CORO2B: variants seen among roughly 807,000 people sequenced by gnomAD.
CORO2B encodes coronin-2B.
Under a neutral mutation model 58.8 loss-of-function variants are expected in CORO2B, and 26 were observed. The observed-to-expected ratio is 0.44, with a 90% confidence interval of 0.32 to 0.61. CORO2B has a LOEUF of 0.61. Among genes scored for constraint, CORO2B ranks in the 20% least tolerant of loss-of-function variants. The pLI is 0.04. For missense variants in CORO2B, 460 were observed against 645.1 expected, an observed-to-expected ratio of 0.71 and a Z score of 3.11; for synonymous variants, 242 against 253.8, an observed-to-expected ratio of 0.95 and a Z score of 0.44.
At chr15:68,708,029 G>A (rs908342303) in intron 3 of CORO2B, among the ~76,000 whole-genome samples, 2 of 152,170 alleles carry the variant, frequency 1.3e-5, no homozygotes, top group African/African-American at 4.8e-5. Flanking sequence ...TGACAATGGG[G>A]ATGGGAAAAT....
intron 11 of CORO2B, among the ~76,000 whole-genome samples, chr15:68,724,739 A>G (rs756684019): frequency 1.3e-5 from 2 of 152,220 alleles, no homozygotes; most frequent in Non-Finnish European, 2.9e-5. Flanking sequence ...TACAATAACA[A>G]ATGTAATTCA....
intron 11 of CORO2B, among the ~76,000 whole-genome samples, chr15:68,722,158 T>G (rs933777479): frequency 1.3e-5 from 2 of 152,324 alleles, no homozygotes; most frequent in African/African-American, 4.8e-5. Context: ...GTTCTGGCAC[T>G]GGGTCTGGAG....
upstream of CORO2B, among the ~76,000 whole-genome samples, chr15:68,577,026 T>G (rs1320727998): frequency 6.6e-6 from 1 of 152,068 alleles, no homozygotes. Context: ...TTTGAGTTAG[T>G]GCAGAAGAAT....
chr15:68,664,632 G>A (rs1009306090), intron 2 of CORO2B, among the ~76,000 whole-genome samples: 5 of 152,044 alleles, frequency 3.3e-5, no homozygotes, highest in Non-Finnish European at 7.4e-5. Context: ...GAGGGACAGA[G>A]CGAGACTCTG....
intron 2 of CORO2B, among the ~76,000 whole-genome samples, chr15:68,681,289 C>T (rs1010418086): frequency 6.6e-6 from 1 of 151,936 alleles, no homozygotes; most frequent in Non-Finnish European, 1.5e-5. Flanking sequence ...TGCACTAAAT[C>T]GTCTCAGTGG....
intron 2 of CORO2B, among the ~76,000 whole-genome samples, chr15:68,659,621 T>C (rs1018833787): frequency 2.0e-5 from 3 of 151,990 alleles, no homozygotes; most frequent in Non-Finnish European, 4.4e-5. Context: ...ATTCATTAAG[T>C]GGAAGTGAAT....
At chr15:68,632,119 T>A (rs745600529) in intron 1 of CORO2B, 2 of 985,524 alleles carry the variant, frequency 2.0e-6, no homozygotes, top group Non-Finnish European at 2.4e-6. Flanking sequence ...TCCCGTTATC[T>A]TGACTGCTGC....
intron 2 of CORO2B, 101 bp from the exon 3 acceptor site, chr15:68,695,039 C>G (rs1328747306): frequency 3.5e-6 from 3 of 859,136 alleles, no homozygotes; most frequent in African/African-American, 3.3e-5. Context: ...CAAGGACCTT[C>G]CAGTCCAGTT....
At chr15:68,711,420 C>A in intron 4 of CORO2B, 122 bp from the exon 5 acceptor site, 1 of 762,632 alleles carries the variant, frequency 1.3e-6, no homozygotes, top group Non-Finnish European at 2.1e-6. Flanking sequence ...CCTCCTGCAC[C>A]CCAGCACACC....
At chr15:68,568,163 G>C in the CORO2B span, among the ~76,000 whole-genome samples, 2 of 152,320 alleles carry the variant, frequency 1.3e-5, no homozygotes, top group South Asian at 4.1e-4. Flanking sequence ...GTTGGAGGTT[G>C]AGTACAGGCC....
chr15:68,530,350 A>G, the CORO2B span, among the ~76,000 whole-genome samples: 2 of 152,046 alleles, frequency 1.3e-5, no homozygotes, highest in Non-Finnish European at 2.9e-5. Context: ...AATAATATGT[A>G]TATATATGTA....
Position 68,714,045 on chromosome 15 carries a change from A to G in CORO2B, c.765+4A>G. 2 of 1,594,026 alleles carry G rather than the reference A, an allele frequency of 1.3e-6. No homozygotes were observed. The highest frequency in any genetic ancestry group is 1.7e-6 in the Non-Finnish European group (2 of 1,162,024). On this transcript the variant is annotated splice_donor_region_variant and intron_variant, in intron 6 of 11. Transcript: ENST00000261861. ...ACAGATTGCCCTCTGGGACCAGGTC[A>G]GCCACGGGGAGGCCTGCTGGGTTTG... is the stretch of plus-strand genomic sequence containing the variant.
rs1244884297 is a variant in CORO2B at position 68,727,294 on chromosome 15, C to T, written c.*1320C>T. On this transcript the variant is annotated 3_prime_UTR_variant, in exon 12 of 12. Transcript: ENST00000261861. ...AGATGAGGAAACCGAGAGAAGTGGC[C>T]CAAGGTCACGCAACTCTGAGATGCC... 1 of 152,580 alleles carries T rather than the reference C, an allele frequency of 6.6e-6. No individual in the cohort carries two copies. The highest frequency in any genetic ancestry group is 1.5e-5 in the Non-Finnish European group (1 of 68,038). 9.5% of individuals were successfully genotyped at this position (152,580 alleles called of 1,614,324 possible).
Position 68,710,978 on chromosome 15 carries a change from A to C in CORO2B, c.483+97A>C. The C allele has an allele frequency of 1.5e-6, 2 of 1,311,696 alleles. No individual in the cohort carries two copies. Among genetic ancestry groups the C allele is most frequent in the Non-Finnish European group, 2.1e-6 (2 of 974,350 alleles). 81.3% of individuals were successfully genotyped at this position (1,311,696 alleles called of 1,614,324 possible). A position where few individuals can be genotyped will look rare whatever the true frequency, so the allele number is the denominator to read the frequency against. ...AAGCACTGTTGCTTCCTAAGCAACC[A>C]ATATGGCCTCATCTGTTCATTTGCT... On this transcript the variant is annotated intron_variant, in intron 4 of 11. Coordinates refer to ENST00000261861, the MANE Select transcript of CORO2B (RefSeq NM_006091.5). This position sits in a 1 kb window ranked among gnomAD's most constrained non-coding sequence, Gnocchi z 4.1.
intron 5 of CORO2B, among the ~76,000 whole-genome samples, chr15:68,712,840 G>C (rs1043558030): frequency 2.6e-5 from 4 of 152,070 alleles, no homozygotes; most frequent in African/African-American, 9.7e-5. Context: ...GAGGAGCTAG[G>C]ATTCAAACCC....
chr15:68,530,248 C>T, the CORO2B span, among the ~76,000 whole-genome samples: 5 of 152,242 alleles, frequency 3.3e-5, no homozygotes, highest in African/African-American at 1.2e-4. Flanking sequence ...TGGTGTGAAA[C>T]CGGGAGGCGG....
intron 2 of CORO2B, among the ~76,000 whole-genome samples, chr15:68,679,512 G>A (rs1188894630): frequency 6.6e-6 from 1 of 152,208 alleles, no homozygotes; most frequent in Non-Finnish European, 1.5e-5. Context: ...GGCAGAGGGA[G>A]GAAGCTAACC....
At chr15:68,700,078 C>G (rs1892604316) in intron 3 of CORO2B, among the ~76,000 whole-genome samples, 1 of 152,170 alleles carries the variant, frequency 6.6e-6, no homozygotes, top group Non-Finnish European at 1.5e-5. Context: ...CTGCCAGGGC[C>G]CTTCCCACGG....
rs368901738 is a variant in CORO2B, at chr15:68,707,820, C to T, written c.334-2912C>T. On this transcript the variant is annotated intron_variant, in intron 3 of 11. Coordinates refer to ENST00000261861, the MANE Select transcript of CORO2B (RefSeq NM_006091.5). ...TGAGTTATGTACTCGCCAGCTTGTTCCCCCTGCACCCTCTCAGTCACTTCC... is the reference window on the plus strand; with the variant it reads ...TGAGTTATGTACTCGCCAGCTTGTTTCCCCTGCACCCTCTCAGTCACTTCC... 3.1e-3 allele frequency among the ~76,000 whole-genome samples: 478 copies of T among 152,228 alleles called. 6 individuals are homozygous for T. Among genetic ancestry groups the T allele is most frequent in the African/African-American group, 0.011 (463 of 41,532 alleles).
Sources: allele counts gnomAD v4.1 joint callset (sites outside exome capture counted in the v4.1 genomes callset), GRCh38; gene constraint gnomAD v4.1.1; non-coding constraint Gnocchi (gnomAD v3.1); transcripts MANE v1.5; gene names NCBI Gene and HGNC (gene_info 2026-07-23, HGNC 2026-07-21).